SIGLEC1: variants seen among roughly 807,000 people sequenced by gnomAD.
SIGLEC1 encodes the protein sialic acid binding Ig like lectin 1.
Under a neutral mutation model 148.0 loss-of-function variants are expected in SIGLEC1, and 132 were observed. That is an observed-to-expected ratio of 0.89 (90% CI 0.77 to 1.03). SIGLEC1 has a LOEUF of 1.03. SIGLEC1 is among the 50% of genes least tolerant of loss of function. SIGLEC1 has a pLI of 0.00. For missense variants in SIGLEC1, 2,253 were observed against 2,271.4 expected, an observed-to-expected ratio of 0.99 and a Z score of 0.16; for synonymous variants, 945 against 969.0, an observed-to-expected ratio of 0.98 and a Z score of 0.46.
At chr20:3,699,098 C>T (rs75918531) in intron 8 of SIGLEC1, 104 bp downstream of exon 8, 87,806 of 1,361,956 alleles carry the variant, frequency 0.064, 3,284 homozygotes, top group East Asian at 0.12. Flanking sequence ...CCAGCCCTCC[C>T]GATATAGACC....
chr20:3,703,089 G>A lies in SIGLEC1; in HGVS notation c.1228+108C>T, dbSNP rs757326339. ...GACATGAGCTCAAGGCCACCTCCAG[G>A]TAAGTGGCCTTGAAGTTCCCATGCC... On this transcript the variant is annotated intron_variant, in intron 6 of 21. Coordinates refer to ENST00000344754, the MANE Select transcript of SIGLEC1 (RefSeq NM_023068.4). The A allele has an allele frequency of 7.2e-6, 10 of 1,394,932 alleles. No homozygotes were observed. The South Asian group carries it at 1.2e-4, about 17-fold the overall frequency. 86.4% of individuals were successfully genotyped at this position (1,394,932 alleles called of 1,614,324 possible).
Position 3,706,029 on chromosome 20 carries a change from C to T in SIGLEC1, c.421G>A (p.Val141Met), listed in dbSNP as rs35953127. Residue 141 changes from valine to methionine, a missense_variant, in exon 4 of 22, where the codon GTG becomes ATG. Physicochemically the swap from Val to Met is conservative, Grantham distance 21. Transcript: ENST00000344754. ...TCCACCGGGGAGGCAATGGTGGGCA[C>T]CCTGGGCTCCTCTGAGGACAGAGAC... ...TLVTVTEEPR[V>M]PTIASPVELL... The T allele has an allele frequency of 2.5e-6, 4 of 1,612,774 alleles. No individual in the cohort carries two copies. The highest frequency in any genetic ancestry group is 2.7e-5 in the African/African-American group (2 of 75,014).
At chr20:3,691,073 C>T (rs1029545338) in intron 18 of SIGLEC1, among the ~76,000 whole-genome samples, 7 of 152,080 alleles carry the variant, frequency 4.6e-5, no homozygotes, top group East Asian at 3.8e-4. Flanking sequence ...TCAAGTGATC[C>T]GCCCACCTCA....
chr20:3,702,872 C>T (rs971130735), intron 6 of SIGLEC1, among the ~76,000 whole-genome samples: 6 of 152,000 alleles, frequency 3.9e-5, no homozygotes, highest in South Asian at 2.1e-4. Flanking sequence ...TATGTATGTG[C>T]GTGTGTGTGT....
rs1568846920 is a variant in SIGLEC1, at chr20:3,705,795, G to A, written c.655C>T (p.Leu219Phe). The change falls in exon 4 of 22, where the codon CTC becomes TTC. Residue 219 changes from leucine to phenylalanine, a missense_variant. Coordinates refer to ENST00000344754, the MANE Select transcript of SIGLEC1 (RefSeq NM_023068.4). ...QDHGRILRCQ[L>F]SVANHRAQSE... is the part of the protein sequence containing the mutation. Reference sequence around the variant, plus strand: ...TGAGCCCTGTGATTGGCCACGGAGAGCTGGCAGCGCAGGATCCGGCCGTGG... The same window carrying A: ...TGAGCCCTGTGATTGGCCACGGAGAACTGGCAGCGCAGGATCCGGCCGTGG... 2 of 1,613,620 alleles carry A rather than the reference G, an allele frequency of 1.2e-6. No individual in the cohort carries two copies. Among genetic ancestry groups the A allele is most frequent in the African/African-American group, 1.3e-5 (1 of 74,958 alleles).
chr20:3,699,211 T>G lies in SIGLEC1; in HGVS notation c.1777A>C (p.Thr593Pro). ...ASGPSSPAVL[T>P]VLYPPRQPTF... ...GGTGGTGGCTGCTCACAGAGCACAG[T>G]GAGAACAGCTGGCGAAGAGGGGCCA... Residue 593 changes from threonine to proline, a missense_variant, in exon 8 of 22, where the codon ACT (threonine) becomes CCT (proline). Thr to Pro is a conservative substitution (Grantham distance 38). Coordinates refer to ENST00000344754, the MANE Select transcript of SIGLEC1 (RefSeq NM_023068.4). The G allele has an allele frequency of 6.2e-7, 1 of 1,609,204 alleles. No individual in the cohort carries two copies. The highest frequency in any genetic ancestry group is 2.2e-5 in the East Asian group (1 of 44,778).
rs771321014 is a variant in SIGLEC1 at position 3,687,799 on chromosome 20, A to G, written c.*761T>C. The G allele has an allele frequency of 6.6e-6, 1 of 152,304 alleles. No individual in the cohort carries two copies. Among genetic ancestry groups the G allele is most frequent in the Non-Finnish European group, 1.5e-5 (1 of 68,124 alleles). 9.4% of individuals were successfully genotyped at this position (152,304 alleles called of 1,614,324 possible). A position where few individuals can be genotyped will look rare whatever the true frequency, so the allele number is the denominator to read the frequency against. On this transcript the variant is annotated 3_prime_UTR_variant, in exon 22 of 22. Transcript: ENST00000344754. ...CCAATTCCAAATGTCCTCTGGACTC[A>G]AAATAAAAACTACATTTCCCAGTCT...
At chr20:3,706,228 ACAGAGG>A (rs959943122) in intron 3 of SIGLEC1, 113 bp downstream of exon 3, 3 of 1,433,434 alleles carry the variant, frequency 2.1e-6, no homozygotes, top group Non-Finnish European at 9.4e-7. Flanking sequence ...CGGGGCTGGA[ACAGAGG>A]CTGAGACTGG....
intron 11 of SIGLEC1, among the ~76,000 whole-genome samples, chr20:3,696,129 T>TATATATATATATATACACACACAC (rs11087599): frequency 7.0e-6 from 1 of 142,424 alleles, no homozygotes; most frequent in African/African-American, 2.7e-5. Flanking sequence ...ACTATATATA[T>TATATATATATATATACACACACAC]ACACACACAC....
At chr20:3,689,069 C>A in intron 21 of SIGLEC1, 86 bp downstream of exon 21, 1 of 1,179,796 alleles carries the variant, frequency 8.5e-7, no homozygotes, top group Admixed American at 1.7e-5. Flanking sequence ...CAGGCACCAT[C>A]CTCTAAATGA....
At chr20:3,694,969 C>T (rs1357449099) in intron 11 of SIGLEC1, 46 bp from the exon 12 acceptor site, 1 of 1,577,244 alleles carries the variant, frequency 6.3e-7, no homozygotes. Flanking sequence ...CACCACACCT[C>T]TCACAGTCTG....
At position 3,693,681 on chromosome 20, in the gene SIGLEC1, A is replaced by T. The variant is rs757599251; in HGVS notation, c.3274T>A (p.Trp1092Arg). 4 of 1,589,866 alleles carry T rather than the reference A, an allele frequency of 2.5e-6. No individual in the cohort carries two copies. Among genetic ancestry groups the T allele is most frequent in the Non-Finnish European group, 2.6e-6 (3 of 1,166,660 alleles). Residue 1092 changes from tryptophan to arginine, a missense_variant, in exon 14 of 22, where the codon TGG becomes AGG. By Grantham distance (101) the Trp-to-Arg change is moderately radical (BLOSUM62 -3). Transcript: ENST00000344754. ...FDAQAVNVQV[W>R]PGATVREGQL... The stretch of plus-strand genomic sequence containing the variant: ...CCCTCCCGCACGGTAGCCCCGGGCC[A>T]CACCTGCACATTCACAGCTGGGGAG...
Position 3,697,945 on chromosome 20 carries a change from A to C in SIGLEC1, c.1975T>G (p.Cys659Gly). 6.2e-7 allele frequency: 1 copy of C among 1,612,772 alleles called. No homozygotes were observed. ...TTGGTGACCTTCATGCGTGGGGAAC[A>C]GCCCCCACAGGTGCTGCAGCCACCC... ...SGGGCSTCGG[C>G]SPRMKVTKAP... Residue 659 changes from cysteine to glycine, a missense_variant, in exon 9 of 22, where the codon TGT becomes GGT. By Grantham distance (159) the Cys-to-Gly change is radical. Transcript: ENST00000344754.
In SIGLEC1 at chr20:3,689,628, A is replaced by T. The variant is rs1242208900; in HGVS notation, c.4969T>A (p.Leu1657Met). 1.9e-6 allele frequency: 3 copies of T among 1,587,922 alleles called. No homozygotes were observed. The African/African-American group carries it at 4.0e-5, about 21-fold the overall frequency. ...CAGGTGTAGCAGGCCCCCAGGCCCA[A>T]CAGCAGGAGCAGGAGGCCCACCAGC... ...GLLVGLLLLL[L>M]GLGACYTWRR... Residue 1657 changes from leucine (L) to methionine (M), a missense_variant, in exon 20 of 22, where the codon TTG becomes ATG. Coordinates refer to ENST00000344754, the MANE Select transcript of SIGLEC1 (RefSeq NM_023068.4).
chr20:3,699,603 T>C (rs1600286253), intron 7 of SIGLEC1, 144 bp from the exon 8 acceptor site: 3 of 1,026,194 alleles, frequency 2.9e-6, no homozygotes, highest in Non-Finnish European at 4.2e-6. Flanking sequence ...GGTTTGCCCT[T>C]TAATGCCAAA....
rs1348846953 is a variant in SIGLEC1 at position 3,686,980 on chromosome 20, G to A, written c.*1580C>T. On this transcript the variant is annotated 3_prime_UTR_variant, in exon 22 of 22. Transcript: ENST00000344754. ...AGAGACTCACTCCAGTTGCGTCATA[G>A]GATGGAGTTTTATTGGGAGGACATT... The A allele has an allele frequency of 6.6e-6, 1 of 152,208 alleles. No homozygotes were observed. Among genetic ancestry groups the A allele is most frequent in the Admixed American group, 6.5e-5 (1 of 15,276 alleles). 9.4% of individuals were successfully genotyped at this position (152,208 alleles called of 1,614,324 possible).
At position 3,703,323 on chromosome 20, in the gene SIGLEC1, C is replaced by T; in HGVS notation, c.1102G>A (p.Glu368Lys). The change falls in exon 6 of 22, where the codon GAG (glutamate) becomes AAG (lysine). Residue 368 changes from glutamate to lysine, a missense_variant. Transcript: ENST00000344754. The part of the protein sequence containing the change: ...YSWYKNHVLL[E>K]DAHSHTLRLH... The stretch of plus-strand genomic sequence containing the variant: ...CGGAGGGTATGGGAGTGGGCATCCT[C>T]CAGCAGGACATGGTTCTTGTACCAG... 1 of 1,614,164 alleles carries T rather than the reference C, an allele frequency of 6.2e-7. No individual in the cohort carries two copies. Among genetic ancestry groups the T allele is most frequent in the African/African-American group, 1.3e-5 (1 of 75,064 alleles).
In SIGLEC1 at chr20:3,707,066, C is replaced by T. The variant is rs369019355; in HGVS notation, c.49+14G>A. 5.6e-6 allele frequency: 9 copies of T among 1,613,284 alleles called. No individual in the cohort carries two copies. Among genetic ancestry groups the T allele is most frequent in the Non-Finnish European group, 7.6e-6 (9 of 1,179,380 alleles). Reference sequence around the variant, plus strand: ...TGGACCCTGGAAGACAGGCACTAGGCCCGCAAAGCTTACCTGCTGGGAAGA... The same window carrying T: ...TGGACCCTGGAAGACAGGCACTAGGTCCGCAAAGCTTACCTGCTGGGAAGA... On this transcript the variant is annotated intron_variant, in intron 2 of 21. Coordinates refer to ENST00000344754, the MANE Select transcript of SIGLEC1 (RefSeq NM_023068.4).
intron 7 of SIGLEC1, among the ~76,000 whole-genome samples, chr20:3,699,816 AT>A (rs11444782): frequency 1.7e-4 from 25 of 149,464 alleles, no homozygotes; most frequent in East Asian, 1.2e-3. Flanking sequence ...ATCTCAAACA[AT>A]TTTTTTTTTT....
Sources: gnomAD v4.1 joint callset for allele counts (sites outside exome capture counted in the v4.1 genomes callset) on GRCh38, gnomAD v4.1.1 for gene constraint, MANE v1.5 for transcripts, NCBI Gene and HGNC (gene_info 2026-07-23, HGNC 2026-07-21) for gene names.